The following PATJ variants were observed in gnomAD, a reference collection of about 807,000 sequenced individuals.
PATJ encodes the protein PATJ crumbs cell polarity complex component.
In PATJ, 190 loss-of-function variants were observed where a neutral mutation model predicts 224.9. That is an observed-to-expected ratio of 0.84 (90% CI 0.75 to 0.95). The LOEUF (loss-of-function observed/expected upper bound fraction) is 0.95. Among genes scored for constraint, PATJ ranks in the 40% least tolerant of loss-of-function variants. The probability of loss-of-function intolerance (pLI) is 0.00; values close to 1 mark genes in which losing one functional copy is unlikely to be tolerated. For missense variants in PATJ, 2,121 were observed against 2,270.3 expected (o/e 0.93, Z 1.34); for synonymous variants, 769 against 820.3 (o/e 0.94, Z 1.07).
chr1:62,119,522 G>A (rs1664817690), intron 37 of PATJ, among the ~76,000 whole-genome samples: 1 of 152,114 alleles, frequency 6.6e-6, no homozygotes, highest in African/African-American at 2.4e-5. Flanking sequence ...GCCACCAAGT[G>A]TCTTTTTTTA....
At chr1:61,843,217 A>G (rs1402477057) in intron 17 of PATJ, among the ~76,000 whole-genome samples, 1 of 152,020 alleles carries the variant, frequency 6.6e-6, no homozygotes, top group African/African-American at 2.4e-5. Context: ...TTTCCTCTGT[A>G]TTTTATTTTA....
intron 21 of PATJ, 44 bp downstream of exon 21, chr1:61,875,410 G>T (rs1213453594): frequency 2.0e-6 from 3 of 1,532,914 alleles, no homozygotes; most frequent in African/African-American, 2.8e-5. Context: ...ACATTATTTT[G>T]CAAGCTTTCA....
chr1:62,106,432 C>CT (rs1171720507), intron 33 of PATJ, among the ~76,000 whole-genome samples: 5 of 151,368 alleles, frequency 3.3e-5, no homozygotes, highest in African/African-American at 1.2e-4. Flanking sequence ...GATTGAGCCA[C>CT]TGCACTCTAG....
Position 62,163,572 on chromosome 1 carries a change from G to A in PATJ, c.*2518G>A, listed in dbSNP as rs556306457. ...GTGCTAGTAAAAGTATATTGATGAA[G>A]GAATTATGATGCTTTATACTTCTTA... On this transcript the variant is annotated 3_prime_UTR_variant, in exon 44 of 44. Transcript: ENST00000642238. The A allele has an allele frequency of 4.6e-5, 7 of 152,678 alleles. No individual in the cohort carries two copies. The East Asian group carries it at 1.4e-3, about 29-fold the overall frequency. The allele number at this position is 152,678 out of a possible 1,614,324, so 9.5% of individuals were successfully genotyped here.
intron 16 of PATJ, among the ~76,000 whole-genome samples, chr1:61,830,926 C>T (rs1301431344): frequency 2.6e-5 from 4 of 152,066 alleles, no homozygotes; most frequent in Admixed American, 6.6e-5. Flanking sequence ...TGGTGACTCA[C>T]GCCTGTAATC....
rs369912601 is a variant in PATJ, at chr1:62,114,118, C to T, written c.4527C>T (p.Pro1509=). 14 of 1,614,030 alleles carry T rather than the reference C, an allele frequency of 8.7e-6. No individual in the cohort carries two copies. The African/African-American group carries it at 9.3e-5, about 11-fold the overall frequency. ...CCATCACAGCCCTGAGGCAGACCCC[C>T]CAGAAGGTGCGGCTGGTGGTGTATA... ...EEAITALRQT[P]QKVRLVVYRD... is the part of the protein sequence containing the mutation. The change falls in exon 35 of 44, where the codon CCC becomes CCT. Residue 1509 remains proline, a synonymous_variant. Transcript: ENST00000642238.
chr1:62,003,616 G>T (rs780281721), intron 28 of PATJ, among the ~76,000 whole-genome samples: 2 of 152,184 alleles, frequency 1.3e-5, no homozygotes, highest in African/African-American at 2.4e-5. Flanking sequence ...GTATTAAGAA[G>T]TGGCTGCTTG....
intron 28 of PATJ, among the ~76,000 whole-genome samples, chr1:62,006,392 A>C (rs908730226): frequency 1.3e-5 from 2 of 152,262 alleles, no homozygotes; most frequent in African/African-American, 4.8e-5. Context: ...CTAGGAGTAC[A>C]GGCGTGAGCC....
At chr1:62,023,081 G>A (rs1400368710) in intron 29 of PATJ, among the ~76,000 whole-genome samples, 1 of 152,110 alleles carries the variant, frequency 6.6e-6, no homozygotes, top group African/African-American at 2.4e-5. Context: ...TCTGAGGTCA[G>A]GAGTTCCAGA....
chr1:61,768,272 A>G (rs1646401924), intron 4 of PATJ, among the ~76,000 whole-genome samples: 1 of 151,888 alleles, frequency 6.6e-6, no homozygotes, highest in African/African-American at 2.4e-5. Context: ...GATCGAGACC[A>G]TCCTGGCTAA....
chr1:61,795,458 C>T lies in PATJ; in HGVS notation c.1169-9C>T, dbSNP rs757345960. On this transcript the variant is annotated splice_polypyrimidine_tract_variant and intron_variant, in intron 9 of 43. Coordinates refer to ENST00000642238, the MANE Select transcript of PATJ (RefSeq NM_001350145.3). ...TTCTTCCTTTTTCCGTATGTCTGTG[C>T]ACCTTAAGGGGAAGCTTCAGGGATT... is the stretch of plus-strand genomic sequence containing the variant. The T allele has an allele frequency of 1.1e-5, 17 of 1,540,756 alleles. 1 individual carries two copies. Among genetic ancestry groups the T allele is most frequent in the Non-Finnish European group, 1.4e-5 (16 of 1,129,080 alleles).
chr1:62,108,630 T>C, intron 34 of PATJ, 110 bp downstream of exon 34: 1 of 542,084 alleles, frequency 1.8e-6, no homozygotes, highest in South Asian at 3.4e-5. Context: ...TCCTCTCCCA[T>C]TTAACAAAAT....
At chr1:61,893,383 A>C (rs1669869251) in intron 22 of PATJ, among the ~76,000 whole-genome samples, 1 of 152,112 alleles carries the variant, frequency 6.6e-6, no homozygotes, top group Non-Finnish European at 1.5e-5. Flanking sequence ...ATTGTATGTG[A>C]GAGTTGGCAA....
At chr1:62,154,058 G>A (rs61777736) in intron 43 of PATJ, among the ~76,000 whole-genome samples, 14,116 of 152,040 alleles carry the variant, frequency 0.093, 762 homozygotes, top group Middle Eastern at 0.17. Context: ...ACCACGCCTG[G>A]CTAATTTTTG....
chr1:61,782,575 A>T (rs934619656), intron 7 of PATJ, among the ~76,000 whole-genome samples: 7 of 152,168 alleles, frequency 4.6e-5, no homozygotes, highest in Non-Finnish European at 1.0e-4. Context: ...TAAAAAATTG[A>T]TTTATAGGAA....
At chr1:62,053,160 G>T (rs1414633049) in intron 31 of PATJ, among the ~76,000 whole-genome samples, 1 of 152,198 alleles carries the variant, frequency 6.6e-6, no homozygotes, top group East Asian at 1.9e-4. Context: ...AAGAGGCAGA[G>T]GGCCTGGAGG....
At chr1:61,882,861 T>A (rs1668293010) in intron 21 of PATJ, among the ~76,000 whole-genome samples, 1 of 152,238 alleles carries the variant, frequency 6.6e-6, no homozygotes, top group Non-Finnish European at 1.5e-5. Flanking sequence ...CACCTGCGCC[T>A]GGCCAATATT....
At chr1:61,855,639 C>A (rs1433720494) in intron 17 of PATJ, among the ~76,000 whole-genome samples, 1 of 152,122 alleles carries the variant, frequency 6.6e-6, no homozygotes, top group Non-Finnish European at 1.5e-5. Context: ...GGTCTTGAAT[C>A]CTGGGCTCAA....
At chr1:61,915,869 G>A (rs562180791) in intron 26 of PATJ, among the ~76,000 whole-genome samples, 1 of 151,814 alleles carries the variant, frequency 6.6e-6, no homozygotes, top group South Asian at 2.1e-4. Flanking sequence ...GCTAATTTCT[G>A]TATTTTTAGT....
Sources: allele counts gnomAD v4.1 joint callset (sites outside exome capture counted in the v4.1 genomes callset), GRCh38; gene constraint gnomAD v4.1.1; transcripts MANE v1.5; gene names NCBI Gene and HGNC (gene_info 2026-07-23, HGNC 2026-07-21).